The following MAST2 variants were observed in gnomAD, a reference collection of about 807,000 sequenced individuals.
The protein encoded by MAST2 is microtubule-associated serine/threonine-protein kinase 2.
MAST2 carries 70 observed loss-of-function variants against 147.4 expected under a neutral mutation model. The ratio of observed to expected loss-of-function variants is 0.47; its 90% CI spans 0.39 to 0.58. MAST2 has a LOEUF of 0.58. Among genes scored for constraint, MAST2 ranks in the 20% least tolerant of loss-of-function variants. The probability of loss-of-function intolerance (pLI) is 0.00; values close to 1 mark genes in which losing one functional copy is unlikely to be tolerated. For synonymous variants in MAST2, 869 were observed against 896.8 expected (o/e 0.97, Z 0.55); for missense variants, 2,080 against 2,302.3 (o/e 0.90, Z 1.98).
chr1:45,810,932 A>G (rs1335760849), intron 1 of MAST2, among the ~76,000 whole-genome samples: 3 of 143,000 alleles, frequency 2.1e-5, no homozygotes, highest in African/African-American at 7.9e-5. Context: ...AGCTCACCGC[A>G]ACTTCCACCT....
intron 3 of MAST2, among the ~76,000 whole-genome samples, chr1:45,854,700 C>A (rs1645733113): frequency 6.6e-6 from 1 of 152,130 alleles, no homozygotes; most frequent in Non-Finnish European, 1.5e-5. Context: ...TCTGACACCA[C>A]ATTTATGGGT....
intron 3 of MAST2, among the ~76,000 whole-genome samples, chr1:45,871,106 T>G (rs1646372900): frequency 6.6e-6 from 1 of 151,576 alleles, no homozygotes; most frequent in Non-Finnish European, 1.5e-5. Flanking sequence ...AAGTCCTGTT[T>G]GTAATGAAAA....
intron 3 of MAST2, among the ~76,000 whole-genome samples, chr1:45,852,102 A>G (rs1331547334): frequency 1.3e-5 from 2 of 152,144 alleles, no homozygotes; most frequent in Admixed American, 1.3e-4. Flanking sequence ...TGAAAATGAC[A>G]TTTGTACAAT....
At chr1:45,880,529 TA>T (rs1200338986) in intron 3 of MAST2, among the ~76,000 whole-genome samples, 1 of 152,196 alleles carries the variant, frequency 6.6e-6, no homozygotes, top group Non-Finnish European at 1.5e-5. Flanking sequence ...TCAATTGGCA[TA>T]CGTAAGATTA....
At chr1:45,871,144 A>T (rs1417237757) in intron 3 of MAST2, among the ~76,000 whole-genome samples, 1 of 149,784 alleles carries the variant, frequency 6.7e-6, no homozygotes, top group African/African-American at 2.4e-5. Flanking sequence ...TATTATGATT[A>T]ATGATATATT....
At chr1:45,933,019 G>A (rs1001533320) in intron 4 of MAST2, among the ~76,000 whole-genome samples, 10 of 144,486 alleles carry the variant, frequency 6.9e-5, no homozygotes, top group Admixed American at 3.6e-4. Flanking sequence ...GGGGGCTGAG[G>A]AGTTCAAGAC....
At chr1:45,918,310 AG>A (rs1652885707) in intron 4 of MAST2, among the ~76,000 whole-genome samples, 1 of 152,242 alleles carries the variant, frequency 6.6e-6, no homozygotes, top group Non-Finnish European at 1.5e-5. Context: ...ATGAAGTGCC[AG>A]GGGCCTGATC....
intron 4 of MAST2, among the ~76,000 whole-genome samples, chr1:45,894,998 A>T (rs1648498565): frequency 6.6e-6 from 1 of 152,218 alleles, no homozygotes; most frequent in Non-Finnish European, 1.5e-5. Flanking sequence ...ATGTAACTAC[A>T]ACCACAATTA....
chr1:46,000,720 G>A (rs927924623), intron 6 of MAST2, among the ~76,000 whole-genome samples: 3 of 152,198 alleles, frequency 2.0e-5, no homozygotes, highest in Non-Finnish European at 4.4e-5. Flanking sequence ...ATCAGGAATC[G>A]TTTGTTTCTG....
At chr1:45,998,257 G>C (rs1046335179) in intron 6 of MAST2, among the ~76,000 whole-genome samples, 1 of 152,066 alleles carries the variant, frequency 6.6e-6, no homozygotes, top group Non-Finnish European at 1.5e-5. Context: ...CTCTCTCCTT[G>C]ACTTTGAGCT....
intron 3 of MAST2, among the ~76,000 whole-genome samples, chr1:45,832,355 C>G (rs2147837148): frequency 6.6e-6 from 1 of 150,560 alleles, no homozygotes; most frequent in Non-Finnish European, 1.5e-5. Context: ...GTCTGGAGTG[C>G]AGTGTCATGA....
rs2149360781 is a variant in MAST2, at chr1:46,035,949, A to G, written c.5280A>G (p.Arg1760=). The change falls in exon 29 of 29, where the codon CGA becomes CGG. Residue 1760 remains arginine (R), a synonymous_variant. Transcript: ENST00000361297. This position sits in a 1 kb window ranked among gnomAD's most constrained non-coding sequence, Gnocchi z 5.5. The part of the protein sequence containing the change: ...SGDRRQDVPC[R]GCPLTQKSEP... ...ACAGAAGGCAGGACGTTCCATGCCG[A>G]GGCTGCCCCCTCACCCAGAAGTCTG... is the stretch of plus-strand genomic sequence containing the variant. 5 of 1,614,016 alleles carry G rather than the reference A, an allele frequency of 3.1e-6. No individual in the cohort carries two copies. The highest frequency in any genetic ancestry group is 4.2e-6 in the Non-Finnish European group (5 of 1,180,034).
Position 46,002,812 on chromosome 1 carries a change from G to A in MAST2, c.676G>A (p.Gly226Arg). 6 of 1,614,152 alleles carry A rather than the reference G, an allele frequency of 3.7e-6. No individual in the cohort carries two copies. The highest frequency in any genetic ancestry group is 5.1e-6 in the Non-Finnish European group (6 of 1,180,000). Residue 226 changes from glycine to arginine, a missense_variant, in exon 7 of 29, where the codon GGG becomes AGG. Around this residue, in one of 4 missense-constraint regions of MAST2, gnomAD observed 569 missense variants for 642.5 expected, o/e 0.89. Coordinates refer to ENST00000361297, the MANE Select transcript of MAST2 (RefSeq NM_015112.3). ...ACTTTTTCTTGCATACAGGACTGAT[G>A]GGCGGCGCTGGTCTTTGGCCTCTTT... ...FSFVPARRTD[G>R]RRWSLASLPS...
chr1:45,850,613 T>G (rs914941781), intron 3 of MAST2, among the ~76,000 whole-genome samples: 1 of 152,198 alleles, frequency 6.6e-6, no homozygotes, highest in African/African-American at 2.4e-5. Context: ...TTAATCCATC[T>G]TGAGTTAATT....
chr1:45,840,499 A>C (rs141507928), intron 3 of MAST2, among the ~76,000 whole-genome samples: 1 of 152,328 alleles, frequency 6.6e-6, no homozygotes, highest in East Asian at 1.9e-4. Context: ...GACCCTCTAC[A>C]AGTCACTGAA....
At chr1:45,881,424 A>C (rs575118618) in intron 3 of MAST2, among the ~76,000 whole-genome samples, 3 of 152,348 alleles carry the variant, frequency 2.0e-5, no homozygotes, top group Non-Finnish European at 4.4e-5. Context: ...AACATGTAAA[A>C]CAATACTACT....
At chr1:45,972,150 C>A (rs1278958702) in intron 5 of MAST2, among the ~76,000 whole-genome samples, 2 of 152,168 alleles carry the variant, frequency 1.3e-5, no homozygotes, top group African/African-American at 4.8e-5. Context: ...AGACCTCGGC[C>A]CACTGCATCT....
At chr1:45,935,919 A>G (rs1037668986) in intron 4 of MAST2, among the ~76,000 whole-genome samples, 1 of 152,196 alleles carries the variant, frequency 6.6e-6, no homozygotes, top group Non-Finnish European at 1.5e-5. Context: ...AGTTTTCTCT[A>G]ACTCTGTGAA....
intron 4 of MAST2, among the ~76,000 whole-genome samples, chr1:45,926,563 A>G (rs1654395551): frequency 6.6e-6 from 1 of 152,196 alleles, no homozygotes; most frequent in Admixed American, 6.5e-5. Flanking sequence ...TCAGCAGGAC[A>G]TGGACTGAAA....
Sources: gnomAD v4.1 joint callset for allele counts (sites outside exome capture counted in the v4.1 genomes callset) on GRCh38, gnomAD v4.1.1 for gene constraint, gnomAD v4.1.1 regional missense constraint, Gnocchi (gnomAD v3.1) non-coding constraint, MANE v1.5 for transcripts, NCBI Gene and HGNC (gene_info 2026-07-23, HGNC 2026-07-21) for gene names.